Variants in PTPRD observed in about 807,000 individuals in gnomAD.
PTPRD encodes protein tyrosine phosphatase receptor type D, also known as receptor-type tyrosine-protein phosphatase delta.
In PTPRD, 34 loss-of-function variants were observed where a neutral mutation model predicts 214.5. The ratio of observed to expected loss-of-function variants is 0.16; its 90% CI spans 0.12 to 0.21. PTPRD has a LOEUF of 0.21. Ranked by LOEUF, PTPRD falls within the 10% of genes least tolerant of loss-of-function variation. The pLI, the probability that PTPRD is intolerant of heterozygous loss-of-function variation, is 1.00. For synonymous variants in PTPRD, 1,128 were observed against 845.7 expected (o/e 1.33, Z -5.79); for missense variants, 2,545 against 2,398.7 (o/e 1.06, Z -1.27).
chr9:8,318,878 C>T (rs1034651298), intron 45 of PTPRD, among the ~76,000 whole-genome samples: 10 of 152,010 alleles, frequency 6.6e-5, no homozygotes, highest in African/African-American at 2.4e-4. Flanking sequence ...TAAAAGAAAC[C>T]TATTTTCAGT....
At chr9:9,761,226 A>G (rs770464288) in intron 6 of PTPRD, among the ~76,000 whole-genome samples, 3 of 152,240 alleles carry the variant, frequency 2.0e-5, no homozygotes, top group Non-Finnish European at 4.4e-5. Context: ...TGAACAAACT[A>G]TTGATACATG....
intron 5 of PTPRD, among the ~76,000 whole-genome samples, chr9:9,924,539 T>G (rs1242267631): frequency 2.0e-5 from 3 of 152,072 alleles, no homozygotes; most frequent in Non-Finnish European, 4.4e-5. Flanking sequence ...TACAGCACAC[T>G]GATGACACTT....
intron 9 of PTPRD, among the ~76,000 whole-genome samples, chr9:9,338,532 G>T (rs901208853): frequency 5.3e-5 from 8 of 151,874 alleles, no homozygotes; most frequent in Non-Finnish European, 1.0e-4. Context: ...CTTTTTCACA[G>T]AAACTGGTAG....
At chr9:8,630,062 T>C (rs924735413) in intron 14 of PTPRD, among the ~76,000 whole-genome samples, 1 of 151,864 alleles carries the variant, frequency 6.6e-6, no homozygotes, top group African/African-American at 2.4e-5. Context: ...TTAGTTTCTC[T>C]AGTAGCTTGT....
intron 9 of PTPRD, among the ~76,000 whole-genome samples, chr9:9,349,694 A>G (rs921559492): frequency 6.6e-6 from 1 of 151,686 alleles, no homozygotes; most frequent in Non-Finnish European, 1.5e-5. Context: ...AGTGATAATA[A>G]TCTTTCTCTT....
intron 8 of PTPRD, among the ~76,000 whole-genome samples, chr9:9,418,683 G>C (rs1056557043): frequency 3.3e-5 from 5 of 151,960 alleles, no homozygotes; most frequent in African/African-American, 1.2e-4. Flanking sequence ...TACATCATAA[G>C]ATACCTGAGC....
At chr9:9,035,363 A>T (rs535935417) in intron 10 of PTPRD, among the ~76,000 whole-genome samples, 57 of 152,206 alleles carry the variant, frequency 3.7e-4, no homozygotes, top group African/African-American at 1.2e-3. Flanking sequence ...GACAGTAAAT[A>T]AGCCTTCTGT....
intron 27 of PTPRD, among the ~76,000 whole-genome samples, chr9:8,491,905 A>C (rs2097158775): frequency 6.6e-6 from 1 of 152,166 alleles, no homozygotes; most frequent in South Asian, 2.1e-4. Context: ...CGGGCAGAGT[A>C]AATCAAATCA....
At chr9:10,156,172 G>C (rs908780233) in intron 3 of PTPRD, among the ~76,000 whole-genome samples, 3 of 149,494 alleles carry the variant, frequency 2.0e-5, no homozygotes, top group Non-Finnish European at 3.0e-5. Flanking sequence ...CTTGTCTTCT[G>C]CCAGCTTTGG....
chr9:10,439,507 G>A (rs1387175636), intron 2 of PTPRD, among the ~76,000 whole-genome samples: 2 of 151,622 alleles, frequency 1.3e-5, no homozygotes, highest in Non-Finnish European at 2.9e-5. Flanking sequence ...TAGTGGTCTT[G>A]GACACATATT....
chr9:9,773,409 C>G (rs1275353447), intron 5 of PTPRD, among the ~76,000 whole-genome samples: 3 of 152,162 alleles, frequency 2.0e-5, no homozygotes, highest in African/African-American at 7.2e-5. Flanking sequence ...TCTCCTGCTT[C>G]TCTCTAATAT....
At chr9:10,320,328 C>T (rs934694245) in intron 3 of PTPRD, among the ~76,000 whole-genome samples, 2 of 152,016 alleles carry the variant, frequency 1.3e-5, no homozygotes, top group East Asian at 1.9e-4. Flanking sequence ...AAGCTGACTA[C>T]ATAAGCTTGA....
intron 5 of PTPRD, among the ~76,000 whole-genome samples, chr9:9,832,805 G>A (rs1216349673): frequency 1.3e-5 from 2 of 151,934 alleles, no homozygotes; most frequent in African/African-American, 4.8e-5. Context: ...AGGATTACAT[G>A]CTGACTGTAG....
intron 3 of PTPRD, among the ~76,000 whole-genome samples, chr9:10,323,340 A>T (rs2096588927): frequency 7.0e-6 from 1 of 142,588 alleles, no homozygotes; most frequent in Non-Finnish European, 1.5e-5. Context: ...GTCTCACTCC[A>T]TTGGAATGCA....
intron 11 of PTPRD, among the ~76,000 whole-genome samples, chr9:8,761,742 G>A (rs1565867128): frequency 6.6e-6 from 1 of 152,072 alleles, no homozygotes; most frequent in Non-Finnish European, 1.5e-5. Flanking sequence ...AAAAGATGTA[G>A]GGTCTATTAA....
intron 24 of PTPRD, 101 bp from the exon 25 acceptor site, chr9:8,499,941 G>C (rs1043473409): frequency 2.0e-5 from 19 of 973,512 alleles, no homozygotes; most frequent in African/African-American, 5.0e-5. Flanking sequence ...TTCAAAAAAT[G>C]GGTAAACCCA....
chr9:8,833,715 TACACACACACACAC>T lies in PTPRD; in HGVS notation c.-103-99783_-103-99770del, dbSNP rs1177957119. Among the ~76,000 whole-genome samples the T allele has an allele frequency of 6.0e-4, 80 of 133,716 alleles. 1 individual carries two copies. Among genetic ancestry groups the T allele is most frequent in the South Asian group, 4.8e-4 (2 of 4,130 alleles). 87.7% of individuals were successfully genotyped at this position (133,716 alleles called of 152,430 possible). A position where few individuals can be genotyped will look rare whatever the true frequency, so the allele number is the denominator to read the frequency against. ...CTCTCTCTCTCTATATATATATATATACACACACACACACACACACACACACACACACGATTCTA... is the reference window on the plus strand; with the variant it reads ...CTCTCTCTCTCTATATATATATATATACACACACACACACACACGATTCTA... On this transcript the variant is annotated intron_variant, in intron 11 of 45. Transcript: ENST00000381196.
intron 2 of PTPRD, among the ~76,000 whole-genome samples, chr9:10,557,565 C>T (rs1181432933): frequency 6.6e-6 from 1 of 152,130 alleles, no homozygotes; most frequent in Non-Finnish European, 1.5e-5. Context: ...CTATCACTGT[C>T]CCCAAATCTC....
At chr9:9,724,744 T>C (rs1239674612) in intron 7 of PTPRD, among the ~76,000 whole-genome samples, 2 of 152,182 alleles carry the variant, frequency 1.3e-5, no homozygotes, top group African/African-American at 2.4e-5. Context: ...GTAATATCTT[T>C]ACAACTGCTC....
Sources: gnomAD v4.1 joint callset for allele counts (sites outside exome capture counted in the v4.1 genomes callset) on GRCh38, gnomAD v4.1.1 for gene constraint, MANE v1.5 for transcripts, NCBI Gene and HGNC (gene_info 2026-07-23, HGNC 2026-07-21) for gene names.